The following ZBTB48 variants were observed in gnomAD, a reference collection of about 807,000 sequenced individuals.
The protein encoded by ZBTB48 is zinc finger and BTB domain-containing protein 48.
A neutral mutation model predicts 64.5 loss-of-function variants in ZBTB48; 35 were observed. The observed-to-expected ratio is 0.54, with a 90% CI of 0.41 to 0.72. ZBTB48 has a LOEUF of 0.72. Ranked by LOEUF, ZBTB48 falls within the 30% of genes least tolerant of loss-of-function variation. The pLI is 0.00. For synonymous variants in ZBTB48, 442 were observed against 356.7 expected, an observed-to-expected ratio of 1.24 and a Z score of -2.70; for missense variants, 828 against 895.3, an observed-to-expected ratio of 0.92 and a Z score of 0.96.
rs771291492 is a variant in ZBTB48, at chr1:6,587,156, T to C, written c.1138-49T>C. On this transcript the variant is annotated intron_variant, in intron 5 of 10. Transcript: ENST00000377674. Reference sequence around the variant, plus strand: ...TATAGCCCAAGGGTGGGTGGCAGGGTTTCATGGGTGCAGGCCGCCCTGGAG... The same window carrying C: ...TATAGCCCAAGGGTGGGTGGCAGGGCTTCATGGGTGCAGGCCGCCCTGGAG... The C allele has an allele frequency of 6.9e-6, 11 of 1,604,562 alleles. No homozygotes were observed. The South Asian group carries it at 1.2e-4, about 18-fold the overall frequency.
At chr1:6,583,200 A>G (rs1640532483) in intron 3 of ZBTB48, among the ~76,000 whole-genome samples, 1 of 150,068 alleles carries the variant, frequency 6.7e-6, no homozygotes, top group Non-Finnish European at 1.5e-5. Context: ...CATGATGGCC[A>G]TGATGGTCTC....
Position 6,580,857 on chromosome 1 carries a change from G to C in ZBTB48, c.248G>C (p.Gly83Ala). 6.2e-7 allele frequency: 1 copy of C among 1,614,138 alleles called. No individual in the cohort carries two copies. The highest frequency in any genetic ancestry group is 8.5e-7 in the Non-Finnish European group (1 of 1,180,036). The part of the protein sequence containing the change: ...FGLLLDFFYT[G>A]HLALTSGNRD... ...CTCTTGTTGGACTTTTTCTACACTGGTCACCTCGCTCTCACCTCAGGGAAC... is the reference window on the plus strand; with the variant it reads ...CTCTTGTTGGACTTTTTCTACACTGCTCACCTCGCTCTCACCTCAGGGAAC... Residue 83 changes from glycine (G) to alanine (A), a missense_variant, in exon 2 of 11, where the codon GGT (glycine) becomes GCT (alanine). Gly to Ala is a moderately conservative substitution (Grantham distance 60). Transcript: ENST00000377674. This position sits in a 1 kb window ranked among gnomAD's most constrained non-coding sequence, Gnocchi z 5.2.
At chr1:6,585,752 CAG>C (rs756260177) in intron 3 of ZBTB48, 165 bp from the exon 4 acceptor site, 4 of 639,666 alleles carry the variant, frequency 6.3e-6, no homozygotes, top group Middle Eastern at 4.2e-4. Flanking sequence ...CTCTCCCTTG[CAG>C]AGTCTCCATG....
chr1:6,587,962 C>T (rs1234784837), intron 7 of ZBTB48, 98 bp from the exon 8 acceptor site: 3 of 1,525,210 alleles, frequency 2.0e-6, no homozygotes, highest in African/African-American at 1.4e-5. Context: ...CTAGCACTGC[C>T]CAAGCCCTCT....
In ZBTB48 at chr1:6,581,129, A is replaced by G. The variant is rs1372442000; in HGVS notation, c.520A>G (p.Arg174Gly). The G allele has an allele frequency of 1.2e-6, 2 of 1,613,330 alleles. No individual in the cohort carries two copies. The highest frequency in any genetic ancestry group is 2.7e-5 in the African/African-American group (2 of 75,058). Residue 174 changes from arginine (R) to glycine (G), a missense_variant, in exon 2 of 11, where the codon AGG becomes GGG. Transcript: ENST00000377674. ...QEPRGSHSPQ[R>G]PQLHSPAQSE... ...GCCCAGAGGCAGTCATAGTCCTCAG[A>G]GGCCCCAGCTCCATTCCCCAGCTCA...
chr1:6,587,796 G>A (rs1214998003), intron 7 of ZBTB48, among the ~76,000 whole-genome samples, 164 bp downstream of exon 7: 3 of 152,226 alleles, frequency 2.0e-5, no homozygotes, highest in Non-Finnish European at 2.9e-5. Context: ...GACCTGAGGG[G>A]CAAGCAGCTA....
intron 6 of ZBTB48, 28 bp downstream of exon 6, chr1:6,587,319 T>A (rs1057158992): frequency 1.2e-6 from 2 of 1,613,844 alleles, no homozygotes; most frequent in Non-Finnish European, 8.5e-7. Context: ...CTGGGCATGC[T>A]TTGATGCTGG....
At position 6,586,019 on chromosome 1, in the gene ZBTB48, C is replaced by T. The variant is rs775469486; in HGVS notation, c.1033C>T (p.Arg345Cys). 8.7e-6 allele frequency: 14 copies of T among 1,613,970 alleles called. No individual in the cohort carries two copies. The highest frequency in any genetic ancestry group is 3.3e-5 in the South Asian group (3 of 91,092). ...LEHEARNCMN[R>C]SEQVFTCSVC... ...GCATGAAGCCCGGAATTGCATGAAC[C>T]GCTCGGAACAGGTACTTGGGAGCTG... Residue 345 changes from arginine (R) to cysteine (C), a missense_variant, in exon 4 of 11, where the codon CGC (arginine) becomes TGC (cysteine). Transcript: ENST00000377674.
rs181551778 is a variant in ZBTB48, at chr1:6,587,385, G to A, written c.1225-93G>A. 14 of 1,608,082 alleles carry A rather than the reference G, an allele frequency of 8.7e-6. No individual in the cohort carries two copies. In the Admixed American group the frequency reaches 1.8e-4, roughly 21 times the overall value. On this transcript the variant is annotated intron_variant, in intron 6 of 10. Transcript: ENST00000377674. ...GGCAGCCGGCCATGTACTTTCTGTT[G>A]TTCGGGGGGGTGCTTGTGGGTCTCC...
intron 3 of ZBTB48, among the ~76,000 whole-genome samples, chr1:6,582,967 G>A (rs1640524534): frequency 6.6e-6 from 1 of 152,086 alleles, no homozygotes; most frequent in Non-Finnish European, 1.5e-5. Context: ...ACCATGCCCA[G>A]CCCCCAGGGG....
At chr1:6,587,745 C>T (rs1011813691) in intron 7 of ZBTB48, 113 bp downstream of exon 7, 3 of 1,492,652 alleles carry the variant, frequency 2.0e-6, no homozygotes, top group Non-Finnish European at 2.7e-6. Flanking sequence ...CCCTTGGCCT[C>T]CACCCTGAAT....
intron 4 of ZBTB48, 41 bp from the exon 5 acceptor site, chr1:6,586,653 GC>G (rs750180112): frequency 6.6e-7 from 1 of 1,504,516 alleles, no homozygotes; most frequent in Admixed American, 2.3e-5. Context: ...ATAGGCAGAG[GC>G]CCCCGCTGAT....
At position 6,580,510 on chromosome 1, in the gene ZBTB48, C is replaced by T. The variant is rs1640402638; in HGVS notation, c.-69-31C>T. 3 of 1,283,940 alleles carry T rather than the reference C, an allele frequency of 2.3e-6. No homozygotes were observed. Among genetic ancestry groups the T allele is most frequent in the Non-Finnish European group, 3.2e-6 (3 of 931,874 alleles). 79.5% of individuals were successfully genotyped at this position (1,283,940 alleles called of 1,614,324 possible). On this transcript the variant is annotated intron_variant, in intron 1 of 10. Transcript: ENST00000377674. This position sits in a 1 kb window ranked among gnomAD's most constrained non-coding sequence, Gnocchi z 5.2. ...ATAAATATGATTATTTGAGTAGAGG[C>T]CAACTTCCCGTTTCTCTCTCTTGAC... is the stretch of plus-strand genomic sequence containing the variant.
chr1:6,587,105 C>A, intron 5 of ZBTB48, 100 bp from the exon 6 acceptor site: 1 of 1,297,716 alleles, frequency 7.7e-7, no homozygotes, highest in Non-Finnish European at 1.1e-6. Flanking sequence ...AATCATCTCA[C>A]CGGGGCCTCC....
Position 6,588,971 on chromosome 1 carries a change from G to A in ZBTB48, c.1826G>A (p.Arg609Gln), listed in dbSNP as rs1303952241. The change falls in exon 11 of 11, where the codon CGG becomes CAG. Residue 609 changes from arginine to glutamine, a missense_variant. Arg to Gln is a conservative substitution (Grantham distance 43). Coordinates refer to ENST00000377674, the MANE Select transcript of ZBTB48 (RefSeq NM_005341.4). ...GACCGGGTAGAGAACTACAACCCGC[G>A]GCAGCGCAAGCTCCGCAACCTGATC... is the stretch of plus-strand genomic sequence containing the variant. ...IHDRVENYNP[R>Q]QRKLRNLIIE... 6.2e-6 allele frequency: 10 copies of A among 1,602,556 alleles called. No homozygotes were observed. In the East Asian group the frequency reaches 6.7e-5, roughly 11 times the overall value.
Position 6,588,802 on chromosome 1 carries a change from G to A in ZBTB48, c.1728G>A (p.Arg576=). 6.2e-7 allele frequency: 1 copy of A among 1,614,156 alleles called. No homozygotes were observed. Among genetic ancestry groups the A allele is most frequent in the South Asian group, 1.1e-5 (1 of 91,082 alleles). ...RVHVRRHKGV[R]KFECTECGYK... is the part of the protein sequence containing the mutation. ...ACGTCAGACGGCACAAGGGGGTGAGGAAGTTTGAGTGCACCGAGTGTGGCT... is the reference window on the plus strand; with the variant it reads ...ACGTCAGACGGCACAAGGGGGTGAGAAAGTTTGAGTGCACCGAGTGTGGCT... Residue 576 remains arginine, a synonymous_variant, in exon 10 of 11, where the codon AGG becomes AGA. Coordinates refer to ENST00000377674, the MANE Select transcript of ZBTB48 (RefSeq NM_005341.4).
chr1:6,583,574 C>T (rs1176262435), intron 3 of ZBTB48, among the ~76,000 whole-genome samples: 1 of 151,388 alleles, frequency 6.6e-6, no homozygotes, highest in East Asian at 1.9e-4. Context: ...GCTGGGACTA[C>T]AGGCATGAGC....
In ZBTB48 at chr1:6,587,563, T is replaced by G. The variant is rs747555497; in HGVS notation, c.1310T>G (p.Val437Gly). The change falls in exon 7 of 11, where the codon GTG becomes GGG. Residue 437 changes from valine to glycine, a missense_variant. Val to Gly is a moderately radical substitution (Grantham distance 109, BLOSUM62 -3). Coordinates refer to ENST00000377674, the MANE Select transcript of ZBTB48 (RefSeq NM_005341.4). ...AFKHRGEKLF[V>G]CEECGHRASS... ...AAGCACCGTGGTGAGAAGCTGTTTG[T>G]GTGTGAGGAGTGTGGGCACCGGGCC... The G allele has an allele frequency of 6.2e-7, 1 of 1,614,004 alleles. No homozygotes were observed. Among genetic ancestry groups the G allele is most frequent in the Non-Finnish European group, 8.5e-7 (1 of 1,180,030 alleles).
intron 5 of ZBTB48, 29 bp downstream of exon 5, chr1:6,586,816 G>A: frequency 6.3e-7 from 1 of 1,599,266 alleles, no homozygotes; most frequent in Non-Finnish European, 8.5e-7. Context: ...CCAGGGCCAG[G>A]GTTGGGTGGC....
Sources: gnomAD v4.1 joint callset for allele counts (sites outside exome capture counted in the v4.1 genomes callset) on GRCh38, gnomAD v4.1.1 for gene constraint, Gnocchi (gnomAD v3.1) non-coding constraint, MANE v1.5 for transcripts, NCBI Gene and HGNC (gene_info 2026-07-23, HGNC 2026-07-21) for gene names.